Variants in SASS6 observed in about 807,000 individuals in gnomAD.
SASS6 encodes spindle assembly abnormal protein 6 homolog.
In SASS6, 59 loss-of-function variants were observed where a neutral mutation model predicts 94.9. The ratio of observed to expected loss-of-function variants is 0.62; its 90% CI spans 0.50 to 0.77. SASS6 has a LOEUF of 0.77. Among genes scored for constraint, SASS6 ranks in the 30% least tolerant of loss-of-function variants. The pLI, the probability that SASS6 is intolerant of heterozygous loss-of-function variation, is 0.00. For missense variants in SASS6, 698 were observed against 734.1 expected (o/e 0.95, Z 0.57); for synonymous variants, 264 against 270.0 (o/e 0.98, Z 0.22).
intron 3 of SASS6, 41 bp from the exon 4 acceptor site, chr1:100,122,525 A>T: frequency 1.2e-6 from 1 of 806,454 alleles, no homozygotes; most frequent in African/African-American, 1.8e-5. Flanking sequence ...AAAAATTTTA[A>T]TTAACTTTGT....
rs61812582 is a variant in SASS6 at position 100,110,313 on chromosome 1, T to A, written c.840A>T (p.Ala280=). 2 of 1,570,274 alleles carry A rather than the reference T, an allele frequency of 1.3e-6. No individual in the cohort carries two copies. Among genetic ancestry groups the A allele is most frequent in the East Asian group, 4.6e-5 (2 of 43,474 alleles). The change falls in exon 8 of 17, where the codon GCA becomes GCT. Residue 280 remains alanine, a synonymous_variant. Transcript: ENST00000287482. ...ATACCTCTTCAACACCAGAAAGTTTTGCTTTAAGTTCTCTAATAGTGGAGT... is the reference window on the plus strand; with the variant it reads ...ATACCTCTTCAACACCAGAAAGTTTAGCTTTAAGTTCTCTAATAGTGGAGT... ...KGDSTIRELK[A]KLSGVEEELQ... is the part of the protein sequence containing the mutation.
rs201067493 is a variant in SASS6, at chr1:100,085,550, A to C, written c.1853T>G (p.Leu618Arg). ...SIPLRGLSQN[L>R]FSNSDHQRDG... ...TCCCTGCTTACCTGAATTACTAAAT[A>C]GGTTCTGGCTGAGTCCGCGTAAAGG... Residue 618 changes from leucine (L) to arginine (R), a missense_variant, in exon 16 of 17, where the codon CTA (leucine) becomes CGA (arginine). Transcript: ENST00000287482. 2.0e-5 allele frequency: 33 copies of C among 1,611,532 alleles called. No homozygotes were observed. The highest frequency in any genetic ancestry group is 1.7e-4 in the Admixed American group (10 of 59,916).
chr1:100,128,294 C>A (rs1017985341), intron 1 of SASS6, among the ~76,000 whole-genome samples: 1 of 152,224 alleles, frequency 6.6e-6, no homozygotes, highest in African/African-American at 2.4e-5. Context: ...ACCTCAGCCT[C>A]CCAAAGTGAT....
At chr1:100,113,869 C>T (rs915485416) in intron 7 of SASS6, among the ~76,000 whole-genome samples, 1 of 151,980 alleles carries the variant, frequency 6.6e-6, no homozygotes, top group East Asian at 1.9e-4. Flanking sequence ...TTTAAACACA[C>T]AGATAACAGC....
rs1363222799 is a variant in SASS6, at chr1:100,119,050, C to A, written c.637G>T (p.Glu213Ter). 6.3e-7 allele frequency: 1 copy of A among 1,588,438 alleles called. No homozygotes were observed. Among genetic ancestry groups the A allele is most frequent in the Non-Finnish European group, 8.6e-7 (1 of 1,164,038 alleles). The change falls in exon 7 of 17, where the codon GAA becomes TAA. Residue 213 changes from glutamate (E) to a stop codon, truncating the protein, a stop_gained. Transcript: ENST00000287482. LOFTEE classifies it high-confidence loss of function. ...TAALTNKHSQ[E>*]LTNEKEKALQ... ...GCTTTTTCCTTTTCATTTGTCAGTT[C>A]CTGAGAATGCTTGTTTGTCAAGGCT...
At position 100,116,450 on chromosome 1, in the gene SASS6, A is replaced by G. The variant is rs1653809066; in HGVS notation, c.669+2568T>C. Among the ~76,000 whole-genome samples, 3 of 152,212 alleles carry G rather than the reference A, an allele frequency of 2.0e-5. No individual in the cohort carries two copies. In the South Asian group the frequency reaches 6.2e-4, roughly 31 times the overall value. ...AATGGCAATGTAAACCGGTATACCT[A>G]CCTACTTTGGGAAACTGGTAGTTTC... On this transcript the variant is annotated intron_variant, in intron 7 of 16. Coordinates refer to ENST00000287482, the MANE Select transcript of SASS6 (RefSeq NM_194292.3).
chr1:100,113,097 T>G (rs1653473089), intron 7 of SASS6, among the ~76,000 whole-genome samples: 1 of 152,162 alleles, frequency 6.6e-6, no homozygotes, highest in Non-Finnish European at 1.5e-5. Context: ...CTAACTTGTT[T>G]CCATGGACAA....
In SASS6 at chr1:100,113,055, A is replaced by G. The variant is rs78051053; in HGVS notation, c.670-2572T>C. On this transcript the variant is annotated intron_variant, in intron 7 of 16. Transcript: ENST00000287482. Reference sequence around the variant, plus strand: ...AATCCTTCAGTCACTCTGGAGTTTTAAACAAATGCCCTTATGAAGAAACTT... The same window carrying G: ...AATCCTTCAGTCACTCTGGAGTTTTGAACAAATGCCCTTATGAAGAAACTT... Among the ~76,000 whole-genome samples the G allele has an allele frequency of 4.0e-3, 608 of 152,332 alleles. 4 individuals are homozygous for G. The highest frequency in any genetic ancestry group is 0.014 in the African/African-American group (593 of 41,570).
chr1:100,130,842 C>A (rs1654955301), intron 1 of SASS6, among the ~76,000 whole-genome samples: 1 of 152,170 alleles, frequency 6.6e-6, no homozygotes, highest in African/African-American at 2.4e-5. Context: ...TCATCTCTGC[C>A]CTTCCTGTGC....
intron 8 of SASS6, among the ~76,000 whole-genome samples, chr1:100,110,077 C>T (rs1476546262): frequency 1.3e-5 from 2 of 151,890 alleles, no homozygotes; most frequent in Non-Finnish European, 2.9e-5. Flanking sequence ...GCTCTCAAGA[C>T]CCTAACTAAA....
At chr1:100,123,528 G>A (rs999021453) in intron 2 of SASS6, among the ~76,000 whole-genome samples, 1 of 152,220 alleles carries the variant, frequency 6.6e-6, no homozygotes, top group Non-Finnish European at 1.5e-5. Context: ...CAAGTGCTAG[G>A]AGTTGAAAGT....
chr1:100,113,666 A>T (rs1165597635), intron 7 of SASS6, among the ~76,000 whole-genome samples: 3 of 151,906 alleles, frequency 2.0e-5, no homozygotes, highest in Non-Finnish European at 4.4e-5. Context: ...AAAAGGTAGT[A>T]AATAGAAATT....
intron 4 of SASS6, 119 bp from the exon 5 acceptor site, chr1:100,121,668 T>A: frequency 1.7e-6 from 1 of 592,928 alleles, no homozygotes; most frequent in Non-Finnish European, 2.9e-6. Flanking sequence ...GGACTCCCAA[T>A]GGTAAAAGAT....
At chr1:100,091,519 A>T (rs1651683518) in intron 14 of SASS6, among the ~76,000 whole-genome samples, 1 of 152,024 alleles carries the variant, frequency 6.6e-6, no homozygotes, top group African/African-American at 2.4e-5. Flanking sequence ...AACCAGAAGA[A>T]GTCAACCCCA....
chr1:100,119,134 A>C lies in SASS6; in HGVS notation c.553T>G (p.Leu185Val). 1 of 1,547,622 alleles carries C rather than the reference A, an allele frequency of 6.5e-7. No individual in the cohort carries two copies. Among genetic ancestry groups the C allele is most frequent in the Non-Finnish European group, 8.8e-7 (1 of 1,131,004 alleles). The change falls in exon 7 of 17, where the codon TTA becomes GTA. Residue 185 changes from leucine (L) to valine (V), a missense_variant. By Grantham distance (32) the Leu-to-Val change is conservative. Coordinates refer to ENST00000287482, the MANE Select transcript of SASS6 (RefSeq NM_194292.3). ...TCTAATTCTTGTTTTTTTTCTGCTA[A>C]TGTCTACATTAGAGTTTAACACAAA... is the stretch of plus-strand genomic sequence containing the variant. ...TKQLDFTRKT[L>V]AEKKQELDKL...
chr1:100,090,542 G>A (rs1392936386), intron 14 of SASS6, among the ~76,000 whole-genome samples: 1 of 152,134 alleles, frequency 6.6e-6, no homozygotes, highest in African/African-American at 2.4e-5. Flanking sequence ...AAGCAGAAGT[G>A]CCAGAGGTAA....
intron 15 of SASS6, among the ~76,000 whole-genome samples, chr1:100,087,768 CAT>C (rs1447932033): frequency 2.0e-5 from 3 of 152,076 alleles, no homozygotes; most frequent in African/African-American, 7.2e-5. Flanking sequence ...CAGGGACAGA[CAT>C]AGCCATATAA....
At chr1:100,113,769 G>A (rs570972691) in intron 7 of SASS6, among the ~76,000 whole-genome samples, 10 of 151,934 alleles carry the variant, frequency 6.6e-5, no homozygotes, top group Non-Finnish European at 1.2e-4. Context: ...CCACCTAGTC[G>A]CGTTAAACAA....
chr1:100,125,954 GAC>G lies in SASS6; in HGVS notation c.66-14_66-13del. 1 of 1,415,530 alleles carries G rather than the reference GAC, an allele frequency of 7.1e-7. No homozygotes were observed. Among genetic ancestry groups the G allele is most frequent in the Non-Finnish European group, 9.7e-7 (1 of 1,026,408 alleles). 87.7% of individuals were successfully genotyped at this position (1,415,530 alleles called of 1,614,324 possible). A position where few individuals can be genotyped will look rare whatever the true frequency, so the allele number is the denominator to read the frequency against. On this transcript the variant is annotated splice_polypyrimidine_tract_variant and intron_variant, in intron 1 of 16. Coordinates refer to ENST00000287482, the MANE Select transcript of SASS6 (RefSeq NM_194292.3). ...TTATACTTACTCTCCTGTAGGAAAA[GAC>G]ATACCCAACCATCAGAAACATTCAC... is the stretch of plus-strand genomic sequence containing the variant.
Sources: gnomAD v4.1 joint callset for allele counts (sites outside exome capture counted in the v4.1 genomes callset) on GRCh38, gnomAD v4.1.1 for gene constraint, MANE v1.5 for transcripts, NCBI Gene and HGNC (gene_info 2026-07-23, HGNC 2026-07-21) for gene names.